Variants in STXBP5L observed in about 807,000 individuals in gnomAD.
The protein encoded by STXBP5L is syntaxin binding protein 5L, also known as syntaxin-binding protein 5-like.
A neutral mutation model predicts 144.5 loss-of-function variants in STXBP5L; 65 were observed. That is an observed-to-expected ratio of 0.45 (90% CI 0.37 to 0.55). The LOEUF is 0.55. Among genes scored for constraint, STXBP5L ranks in the 20% least tolerant of loss-of-function variants. STXBP5L has a pLI of 0.00. For missense variants in STXBP5L, 1,298 were observed against 1,405.5 expected, an observed-to-expected ratio of 0.92 and a Z score of 1.22; for synonymous variants, 505 against 469.6, an observed-to-expected ratio of 1.08 and a Z score of -0.97.
At position 120,999,421 on chromosome 3, in the gene STXBP5L, TGATA is replaced by T. The variant is rs551384945; in HGVS notation, c.288-42275_288-42272del. On this transcript the variant is annotated intron_variant, in intron 3 of 26. Coordinates refer to ENST00000471454, the MANE Select transcript of STXBP5L (RefSeq NM_001308330.2). ...AATTCTTTTTTCTTTTCCATTTGCATGATAGATCTTTCTCCATCCCTTTAATTTG... is the reference window on the plus strand; with the variant it reads ...AATTCTTTTTTCTTTTCCATTTGCATGATCTTTCTCCATCCCTTTAATTTG... Among the ~76,000 whole-genome samples the T allele has an allele frequency of 1.3e-3, 201 of 152,324 alleles. 3 individuals carry two copies. The highest frequency in any genetic ancestry group is 0.012 in the Admixed American group (179 of 15,290).
chr3:121,084,312 G>C (rs1337316304), intron 5 of STXBP5L, among the ~76,000 whole-genome samples: 2 of 152,060 alleles, frequency 1.3e-5, no homozygotes, highest in East Asian at 3.8e-4. Flanking sequence ...CTATCACCTA[G>C]GTATTGAGCC....
At chr3:120,919,956 G>T (rs1709282943) in intron 2 of STXBP5L, among the ~76,000 whole-genome samples, 1 of 150,076 alleles carries the variant, frequency 6.7e-6, no homozygotes, top group African/African-American at 2.4e-5. Flanking sequence ...TACTATTTTT[G>T]AATTATTTTA....
intron 3 of STXBP5L, among the ~76,000 whole-genome samples, chr3:120,958,882 A>G (rs1200550493): frequency 2.6e-5 from 4 of 152,202 alleles, no homozygotes; most frequent in African/African-American, 7.2e-5. Context: ...CCTATTCAAC[A>G]TAGTGTTGGA....
At chr3:121,392,421 C>A (rs1191758169) in intron 22 of STXBP5L, among the ~76,000 whole-genome samples, 2 of 152,168 alleles carry the variant, frequency 1.3e-5, no homozygotes, top group Non-Finnish European at 2.9e-5. Flanking sequence ...CACTATCCAA[C>A]CAGTCCCAAT....
chr3:121,176,490 C>CA (rs35855500), intron 9 of STXBP5L, among the ~76,000 whole-genome samples: 17,871 of 69,788 alleles, frequency 0.26, 1,941 homozygotes, highest in Non-Finnish European at 0.3. Context: ...CCAAACTGGC[C>CA]AAAAAAAAAA....
chr3:121,015,847 C>G (rs1945108092), intron 3 of STXBP5L, among the ~76,000 whole-genome samples: 1 of 152,156 alleles, frequency 6.6e-6, no homozygotes, highest in Admixed American at 6.5e-5. Context: ...GGTGTTACAA[C>G]TGGAGAAACA....
chr3:120,977,194 G>T (rs1163860165), intron 3 of STXBP5L, among the ~76,000 whole-genome samples: 2 of 152,152 alleles, frequency 1.3e-5, no homozygotes, highest in Non-Finnish European at 2.9e-5. Flanking sequence ...CTCTTTGTAG[G>T]TCAGTAAGGA....
At chr3:120,939,650 T>G (rs1189941302) in intron 2 of STXBP5L, among the ~76,000 whole-genome samples, 1 of 152,178 alleles carries the variant, frequency 6.6e-6, no homozygotes, top group East Asian at 1.9e-4. Flanking sequence ...CTTTAGTAGT[T>G]TAACACCATA....
chr3:121,029,145 C>A (rs1204054807), intron 3 of STXBP5L, among the ~76,000 whole-genome samples: 1 of 152,128 alleles, frequency 6.6e-6, no homozygotes, highest in Non-Finnish European at 1.5e-5. Context: ...CGTCAAGCTA[C>A]CACTGACTTT....
rs2047344878 is a variant in STXBP5L at position 121,421,140 on chromosome 3, T to C, written c.*2043T>C. On this transcript the variant is annotated 3_prime_UTR_variant, in exon 27 of 27. Coordinates refer to ENST00000471454, the MANE Select transcript of STXBP5L (RefSeq NM_001308330.2). ...AGTGGCCAAATTGCAATGTATTCTT[T>C]GTACCATCTGTTTCAAAGACTTAGT... is the stretch of plus-strand genomic sequence containing the variant. 1 of 152,192 alleles carries C rather than the reference T, an allele frequency of 6.6e-6. No homozygotes were observed. The highest frequency in any genetic ancestry group is 1.5e-5 in the Non-Finnish European group (1 of 68,024). The allele number at this position is 152,192 out of a possible 1,614,324, so 9.4% of individuals were successfully genotyped here.
chr3:121,201,483 C>T (rs1435508495), intron 9 of STXBP5L, among the ~76,000 whole-genome samples: 1 of 152,028 alleles, frequency 6.6e-6, no homozygotes, highest in Non-Finnish European at 1.5e-5. Flanking sequence ...TCTGTCTTGT[C>T]TTTAATTGGA....
intron 23 of STXBP5L, among the ~76,000 whole-genome samples, chr3:121,408,720 C>T (rs1418839597): frequency 6.6e-6 from 1 of 151,818 alleles, no homozygotes; most frequent in Admixed American, 6.6e-5. Context: ...CCTTCTCTAG[C>T]CATGTGTTAG....
At chr3:121,198,630 A>C (rs1034974608) in intron 9 of STXBP5L, among the ~76,000 whole-genome samples, 1 of 152,204 alleles carries the variant, frequency 6.6e-6, no homozygotes, top group South Asian at 2.1e-4. Flanking sequence ...CTTACATTTA[A>C]GTCTTTAATT....
At chr3:121,390,577 A>C (rs2046555971) in intron 22 of STXBP5L, among the ~76,000 whole-genome samples, 1 of 152,158 alleles carries the variant, frequency 6.6e-6, no homozygotes, top group African/African-American at 2.4e-5. Flanking sequence ...TTGTATGGCA[A>C]GCCTGGTGGT....
At chr3:121,187,331 C>G (rs1239895651) in intron 9 of STXBP5L, among the ~76,000 whole-genome samples, 1 of 144,380 alleles carries the variant, frequency 6.9e-6, no homozygotes, top group Non-Finnish European at 1.5e-5. Context: ...TGTTCTCACT[C>G]TTAGGTGGGA....
At chr3:121,052,810 C>G (rs1948124375) in intron 5 of STXBP5L, among the ~76,000 whole-genome samples, 1 of 152,214 alleles carries the variant, frequency 6.6e-6, no homozygotes, top group Admixed American at 6.5e-5. Flanking sequence ...CAAATTGTCC[C>G]TGTTTGCAGA....
At chr3:121,103,439 A>G (rs548799332) in intron 5 of STXBP5L, among the ~76,000 whole-genome samples, 27 of 152,310 alleles carry the variant, frequency 1.8e-4, no homozygotes, top group African/African-American at 4.3e-4. Context: ...ACACAGGAAC[A>G]GAAAACCAAA....
intron 3 of STXBP5L, among the ~76,000 whole-genome samples, chr3:121,022,460 A>C (rs993543782): frequency 6.6e-6 from 1 of 152,200 alleles, no homozygotes; most frequent in Non-Finnish European, 1.5e-5. Flanking sequence ...TTAAATAAAA[A>C]GTAAACTATA....
intron 3 of STXBP5L, among the ~76,000 whole-genome samples, chr3:120,967,054 A>C (rs1304022826): frequency 1.3e-5 from 2 of 151,822 alleles, no homozygotes; most frequent in Non-Finnish European, 2.9e-5. Context: ...TCAACCTCAG[A>C]CTGCTGTGCT....
Sources: gnomAD v4.1 joint callset for allele counts (sites outside exome capture counted in the v4.1 genomes callset) on GRCh38, gnomAD v4.1.1 for gene constraint, MANE v1.5 for transcripts, NCBI Gene and HGNC (gene_info 2026-07-23, HGNC 2026-07-21) for gene names.